The following NPC1 variants were observed in gnomAD, a reference collection of about 807,000 sequenced individuals.
The protein encoded by NPC1 is Niemann-Pick C1 protein.
In NPC1, 85 loss-of-function variants were observed where a neutral mutation model predicts 140.4. The ratio of observed to expected loss-of-function variants is 0.61; its 90% CI spans 0.51 to 0.72. NPC1 has a LOEUF of 0.72. Ranked by LOEUF, NPC1 falls within the 30% of genes least tolerant of loss-of-function variation. The pLI is 0.00. For missense variants in NPC1, 1,504 were observed against 1,623.8 expected, an observed-to-expected ratio of 0.93 and a Z score of 1.27; for synonymous variants, 656 against 624.8, an observed-to-expected ratio of 1.05 and a Z score of -0.74.
intron 3 of NPC1, among the ~76,000 whole-genome samples, chr18:23,512,739 A>AT (rs949564602): frequency 2.0e-5 from 3 of 151,402 alleles, no homozygotes; most frequent in African/African-American, 7.3e-5. Context: ...GGTCAAAAAT[A>AT]TTTTTTTTAC....
downstream of NPC1, among the ~76,000 whole-genome samples, chr18:23,525,248 A>G (rs116488247): frequency 0.015 from 2,213 of 150,478 alleles, 54 homozygotes; most frequent in African/African-American, 0.051. Context: ...GCCCGGCCTA[A>G]AGAAATCTTA....
chr18:23,577,685 C>T (rs915133282), intron 1 of NPC1, among the ~76,000 whole-genome samples: 4 of 152,152 alleles, frequency 2.6e-5, no homozygotes, highest in Admixed American at 6.5e-5. Context: ...CAGGGGGTGG[C>T]GCTCGTCGGG....
intron 14 of NPC1, among the ~76,000 whole-genome samples, chr18:23,542,897 C>A (rs1384436273): frequency 6.6e-6 from 1 of 152,180 alleles, no homozygotes; most frequent in Non-Finnish European, 1.5e-5. Context: ...GTCTCTTTCA[C>A]CCTGAACCCC....
At chr18:23,556,120 T>C in intron 8 of NPC1, 123 bp downstream of exon 8, 1 of 889,040 alleles carries the variant, frequency 1.1e-6, no homozygotes, top group Non-Finnish European at 1.9e-6. Context: ...CATTATACGC[T>C]AAGATTTTCA....
intron 3 of NPC1, among the ~76,000 whole-genome samples, chr18:23,570,233 G>A (rs1178849952): frequency 2.0e-5 from 3 of 152,156 alleles, no homozygotes; most frequent in African/African-American, 7.2e-5. Flanking sequence ...TTTGACAGCT[G>A]TATATTTTTC....
intron 5 of NPC1, 74 bp downstream of exon 5, chr18:23,561,286 C>A: frequency 1.3e-6 from 2 of 1,499,082 alleles, no homozygotes; most frequent in African/African-American, 1.4e-5. Flanking sequence ...CACTGGTGAG[C>A]CACTGTGCCC....
chr18:23,535,042 A>G (rs1472917944), intron 22 of NPC1, among the ~76,000 whole-genome samples: 1 of 151,986 alleles, frequency 6.6e-6, no homozygotes, highest in African/African-American at 2.4e-5. Context: ...GCGGGGTGCA[A>G]TTTTCTAAGT....
rs1354638664 is a variant in NPC1, at chr18:23,536,580, G to A, written c.3245+93C>T. The A allele has an allele frequency of 5.3e-6, 6 of 1,136,688 alleles. No individual in the cohort carries two copies. The East Asian group carries it at 1.5e-4, about 29-fold the overall frequency. The allele number at this position is 1,136,688 out of a possible 1,614,324, so 70.4% of individuals were successfully genotyped here. A position where few individuals can be genotyped will look rare whatever the true frequency, so the allele number is the denominator to read the frequency against. ...TGGAGCAGGGGCCAGAACCCAACCT[G>A]AAAATCAGCATCTTGCCAAGGGAAC... is the stretch of plus-strand genomic sequence containing the variant. On this transcript the variant is annotated intron_variant, in intron 21 of 24. Coordinates refer to ENST00000269228, the MANE Select transcript of NPC1 (RefSeq NM_000271.5).
intron 1 of NPC1, among the ~76,000 whole-genome samples, chr18:23,585,041 T>C (rs1206361662): frequency 1.3e-5 from 2 of 152,050 alleles, no homozygotes; most frequent in Non-Finnish European, 2.9e-5. Flanking sequence ...AGCAAGAACC[T>C]GTCTCTAAAA....
rs538092149 is a variant in NPC1, at chr18:23,583,565, A to C, written c.57+2722T>G. ...GATGCCCTTCACAGAGCTGGAGGTC[A>C]AAGGGCAGAAAGGGGCACCCGAGAT... is the stretch of plus-strand genomic sequence containing the variant. On this transcript the variant is annotated intron_variant, in intron 1 of 24. Transcript: ENST00000269228. Among the ~76,000 whole-genome samples the C allele has an allele frequency of 3.9e-5, 6 of 152,058 alleles. No homozygotes were observed. The South Asian group carries it at 1.2e-3, about 32-fold the overall frequency.
chr18:23,573,407 G>A, intron 2 of NPC1, 45 bp downstream of exon 2: 1 of 1,613,296 alleles, frequency 6.2e-7, no homozygotes, highest in Non-Finnish European at 8.5e-7. Flanking sequence ...AGAGGATCTT[G>A]TGATCAGCAT....
At chr18:23,524,282 C>T (rs1042317243) in intron 1 of NPC1, 12 of 1,502,416 alleles carry the variant, frequency 8.0e-6, no homozygotes, top group Non-Finnish European at 1.1e-5. Context: ...CTCCGAGAGC[C>T]ACCCCGCAGG....
downstream of NPC1, among the ~76,000 whole-genome samples, chr18:23,520,510 T>G (rs2145213640): frequency 6.6e-6 from 1 of 152,294 alleles, no homozygotes; most frequent in South Asian, 2.1e-4. Context: ...CCCAGGCTGG[T>G]AGGTAGTGTC....
intron 1 of NPC1, among the ~76,000 whole-genome samples, chr18:23,583,916 T>C (rs1262712911): frequency 6.6e-6 from 1 of 152,188 alleles, no homozygotes; most frequent in African/African-American, 2.4e-5. Context: ...CAATTTCAGA[T>C]GGTTGTTCTT....
chr18:23,549,129 T>C (rs1214454134), intron 10 of NPC1, among the ~76,000 whole-genome samples: 1 of 152,172 alleles, frequency 6.6e-6, no homozygotes, highest in Non-Finnish European at 1.5e-5. Context: ...TCAAAAACTA[T>C]GTATATTTCC....
intron 4 of NPC1, among the ~76,000 whole-genome samples, chr18:23,567,430 C>G (rs2059141296): frequency 6.6e-6 from 1 of 152,120 alleles, no homozygotes; most frequent in Admixed American, 6.5e-5. Context: ...CCACTGTATG[C>G]CTTCTTTGGT....
intron 6 of NPC1, among the ~76,000 whole-genome samples, chr18:23,559,482 T>C (rs567732301): frequency 4.2e-4 from 63 of 151,630 alleles, no homozygotes; most frequent in Non-Finnish European, 6.8e-4. Flanking sequence ...TTTCGCTCAT[T>C]TGACTCTGAC....
chr18:23,535,657 C>T lies in NPC1; in HGVS notation c.3289G>A (p.Asp1097Asn), dbSNP rs758829443. The T allele has an allele frequency of 1.1e-5, 18 of 1,613,900 alleles. No homozygotes were observed. The highest frequency in any genetic ancestry group is 4.0e-5 in the African/African-American group (3 of 74,880). The stretch of plus-strand genomic sequence containing the variant: ...GACACACCGAGGTTGAAGATAGTGT[C>T]GTCAATGATGGTCAGGTACTGTTCG... ...FYEQYLTIID[D>N]TIFNLGVSLG... is the part of the protein sequence containing the mutation. Residue 1097 changes from aspartate (D) to asparagine (N), a missense_variant, in exon 22 of 25, where the codon GAC (aspartate) becomes AAC (asparagine). Coordinates refer to ENST00000269228, the MANE Select transcript of NPC1 (RefSeq NM_000271.5).
intron 7 of NPC1, 132 bp downstream of exon 7, chr18:23,556,985 G>T: frequency 2.5e-6 from 2 of 786,796 alleles, no homozygotes; most frequent in Non-Finnish European, 4.4e-6. Context: ...GACCATGTCT[G>T]CCTTGGTCGC....
Sources: allele counts gnomAD v4.1 joint callset (sites outside exome capture counted in the v4.1 genomes callset), GRCh38; gene constraint gnomAD v4.1.1; transcripts MANE v1.5; gene names NCBI Gene and HGNC (gene_info 2026-07-23, HGNC 2026-07-21).